The following ZC3H12D variants were observed in gnomAD, a reference collection of about 807,000 sequenced individuals.
The protein encoded by ZC3H12D is zinc finger CCCH-type containing 12D.
A neutral mutation model predicts 24.2 loss-of-function variants in ZC3H12D; 11 were observed. That is an observed-to-expected ratio of 0.46 (90% CI 0.29 to 0.75). ZC3H12D has a LOEUF of 0.75. Ranked by LOEUF, ZC3H12D falls within the 30% of genes least tolerant of loss-of-function variation. The probability of loss-of-function intolerance (pLI) is 0.11; values close to 1 mark genes in which losing one functional copy is unlikely to be tolerated. For missense variants in ZC3H12D, 740 were observed against 767.7 expected, an observed-to-expected ratio of 0.96 and a Z score of 0.43; for synonymous variants, 333 against 341.8, an observed-to-expected ratio of 0.97 and a Z score of 0.28.
rs776181127 is a variant in ZC3H12D, at chr6:149,456,677, G to C, written c.669C>G (p.Phe223Leu). 2.5e-6 allele frequency: 4 copies of C among 1,598,574 alleles called. No individual in the cohort carries two copies. In the East Asian group the frequency reaches 9.1e-5, roughly 36 times the overall value. The stretch of plus-strand genomic sequence containing the variant: ...CCAGCCGGACCTACCGGTCGTTGAC[G>C]AAGGAGAACATGAGCAGCCTCTGCT... ...FIEQRLLMFS[F>L]VNDRFMPPDD... The change falls in exon 4 of 6, where the codon TTC becomes TTG. Residue 223 changes from phenylalanine (F) to leucine (L), a missense_variant. Physicochemically the swap from Phe to Leu is conservative, Grantham distance 22. Coordinates refer to ENST00000409806, the MANE Select transcript of ZC3H12D (RefSeq NM_207360.3). The surrounding 1 kb of genome is among the most constrained non-coding windows in gnomAD (Gnocchi z 4.3).
rs550939659 is a variant in ZC3H12D, at chr6:149,462,770, G to T, written c.306-800C>A. 3.9e-5 allele frequency among the ~76,000 whole-genome samples: 6 copies of T among 152,314 alleles called. No homozygotes were observed. In the South Asian group the frequency reaches 1.0e-3, roughly 26 times the overall value. On this transcript the variant is annotated intron_variant, in intron 2 of 5. Coordinates refer to ENST00000409806, the MANE Select transcript of ZC3H12D (RefSeq NM_207360.3). ...CTGGCCTTCGTTTTTCGCCCGTGCT[G>T]GATGCTTCCTGCTCTTGAACATCAG...
intron 2 of ZC3H12D, among the ~76,000 whole-genome samples, chr6:149,465,754 CAAA>C (rs71545106): frequency 1.4e-5 from 1 of 71,092 alleles, no homozygotes; most frequent in Non-Finnish European, 2.7e-5. Flanking sequence ...GACGCCATCT[CAAA>C]AAAAAAAAAG....
intron 2 of ZC3H12D, among the ~76,000 whole-genome samples, chr6:149,464,745 G>C (rs1254081500): frequency 6.6e-6 from 1 of 152,202 alleles, no homozygotes; most frequent in Non-Finnish European, 1.5e-5. Context: ...GAAGCAGCTA[G>C]AGGAGAAGCT....
In ZC3H12D at chr6:149,450,727, C is replaced by G. The variant is rs1038620878; in HGVS notation, c.1540G>C (p.Val514Leu). The G allele has an allele frequency of 1.9e-6, 3 of 1,547,752 alleles. No individual in the cohort carries two copies. In the African/African-American group the frequency reaches 4.1e-5, roughly 21 times the overall value. ...LSDLARLILL[V>L]QRCQSAGAPL... is the part of the protein sequence containing the mutation. Reference sequence around the variant, plus strand: ...GCCCCCGCGCTCTGGCATCTCTGTACCAGGAGGATGAGCCTGGCGAGGTCT... The same window carrying G: ...GCCCCCGCGCTCTGGCATCTCTGTAGCAGGAGGATGAGCCTGGCGAGGTCT... Residue 514 changes from valine (V) to leucine (L), a missense_variant, in exon 6 of 6, where the codon GTA (valine) becomes CTA (leucine). Val to Leu is a conservative substitution (Grantham distance 32, BLOSUM62 1). Transcript: ENST00000409806.
chr6:149,459,610 G>A (rs1184539209), intron 3 of ZC3H12D: 1 of 704,786 alleles, frequency 1.4e-6, no homozygotes, highest in African/African-American at 1.9e-5. Context: ...TGACTAACAG[G>A]TGAGCTGAGC....
At chr6:149,482,673 G>A (rs916779736) in intron 1 of ZC3H12D, among the ~76,000 whole-genome samples, 2 of 152,176 alleles carry the variant, frequency 1.3e-5, no homozygotes, top group Admixed American at 1.3e-4. Flanking sequence ...CCTCTGACTA[G>A]AAGGGCCCTG....
rs772761840 is a variant in ZC3H12D, at chr6:149,474,533, G to A, written c.11C>T (p.Pro4Leu). The A allele has an allele frequency of 5.2e-6, 8 of 1,527,182 alleles. No individual in the cohort carries two copies. In the East Asian group the frequency reaches 1.9e-4, roughly 35 times the overall value. The allele number at this position is 1,527,182 out of a possible 1,614,324, so 94.6% of individuals were successfully genotyped here. A position where few individuals can be genotyped will look rare whatever the true frequency, so the allele number is the denominator to read the frequency against. Residue 4 changes from proline to leucine, a missense_variant, in exon 2 of 6, where the codon CCC (proline) becomes CTC (leucine). Pro to Leu is a moderately conservative substitution (Grantham distance 98). Coordinates refer to ENST00000409806, the MANE Select transcript of ZC3H12D (RefSeq NM_207360.3). The stretch of plus-strand genomic sequence containing the variant: ...CTTCTGGAAGAATTCCATCTTGCTG[G>A]GGTGCTCCATGCTGTGCCCAGCGGC... MEHPSKMEFFQKLG... is the reference protein window; with the variant it reads MEHLSKMEFFQKLG...
At chr6:149,459,478 C>T (rs1776038085) in intron 3 of ZC3H12D, 1 of 665,062 alleles carries the variant, frequency 1.5e-6, no homozygotes, top group African/African-American at 1.8e-5. Flanking sequence ...GATTGTGCAG[C>T]ATGGAGGGAA....
intron 2 of ZC3H12D, among the ~76,000 whole-genome samples, chr6:149,467,317 A>T (rs1184388732): frequency 6.6e-6 from 1 of 152,074 alleles, no homozygotes; most frequent in Non-Finnish European, 1.5e-5. Flanking sequence ...CAATGGTACA[A>T]TCATGGCTCA....
chr6:149,455,939 T>C (rs950697682), intron 4 of ZC3H12D, among the ~76,000 whole-genome samples: 2 of 138,154 alleles, frequency 1.4e-5, no homozygotes, highest in African/African-American at 5.8e-5. Context: ...CCATATGTAA[T>C]TCAAAATTTT....
intron 1 of ZC3H12D, among the ~76,000 whole-genome samples, chr6:149,483,641 G>A (rs1007553091): frequency 7.2e-5 from 11 of 152,144 alleles, no homozygotes; most frequent in East Asian, 1.9e-4. Flanking sequence ...ACAAACTCCC[G>A]GGCTCAAGCA....
At chr6:149,458,124 G>GT (rs1562472740) in intron 3 of ZC3H12D, among the ~76,000 whole-genome samples, 109 of 37,394 alleles carry the variant, frequency 2.9e-3, no homozygotes, top group African/African-American at 3.8e-3. Context: ...TTTTTTTTTC[G>GT]TTTCTTTTTT....
At chr6:149,478,183 AAAC>A (rs1776371197) in intron 1 of ZC3H12D, among the ~76,000 whole-genome samples, 1 of 149,504 alleles carries the variant, frequency 6.7e-6, no homozygotes, top group Non-Finnish European at 1.5e-5. Context: ...AAAAAAAAAA[AAAC>A]TATTTTTATA....
Position 149,461,976 on chromosome 6 carries a change from A to G in ZC3H12D, c.306-6T>C. ...AGGTTTCTTTATTTCCATGGCTACA[A>G]TGGGAAAACAAAGAAATCATAGAGA... On this transcript the variant is annotated splice_polypyrimidine_tract_variant and splice_region_variant and intron_variant, in intron 2 of 5. Transcript: ENST00000409806. The G allele has an allele frequency of 6.2e-7, 1 of 1,608,600 alleles. No individual in the cohort carries two copies. The highest frequency in any genetic ancestry group is 8.5e-7 in the Non-Finnish European group (1 of 1,177,586).
chr6:149,483,629 A>C (rs77616939), intron 1 of ZC3H12D, among the ~76,000 whole-genome samples: 3 of 152,152 alleles, frequency 2.0e-5, no homozygotes, highest in Non-Finnish European at 4.4e-5. Flanking sequence ...TATATCTTCA[A>C]TACAAACTCC....
chr6:149,454,266 G>A (rs1775945133), intron 4 of ZC3H12D, among the ~76,000 whole-genome samples: 1 of 152,242 alleles, frequency 6.6e-6, no homozygotes, highest in Non-Finnish European at 1.5e-5. Flanking sequence ...CCCTCGCTGA[G>A]TGAGGTCCAC....
chr6:149,456,805 G>A lies in ZC3H12D; in HGVS notation c.541C>T (p.Arg181Cys). The A allele has an allele frequency of 1.2e-6, 2 of 1,613,250 alleles. No homozygotes were observed. The highest frequency in any genetic ancestry group is 1.7e-6 in the Non-Finnish European group (2 of 1,179,788). ...HGKRLVCYDD[R>C]YIVKVAYEQD... ...TCGTAGGCCACCTTCACGATGTAGC[G>A]GTCGTCGTAGCAGACCAGGCGCTTG... The change falls in exon 4 of 6, where the codon CGC becomes TGC. Residue 181 changes from arginine (R) to cysteine (C), a missense_variant. Coordinates refer to ENST00000409806, the MANE Select transcript of ZC3H12D (RefSeq NM_207360.3). The surrounding 1 kb of genome is among the most constrained non-coding windows in gnomAD (Gnocchi z 4.3).
At chr6:149,474,110 C>A (rs757505485) in intron 2 of ZC3H12D, 129 bp downstream of exon 2, 2 of 721,380 alleles carry the variant, frequency 2.8e-6, no homozygotes, top group Non-Finnish European at 4.2e-6. Context: ...AGAGATGGTA[C>A]AGGGATTCAA....
At chr6:149,466,399 G>A (rs1370188257) in intron 2 of ZC3H12D, among the ~76,000 whole-genome samples, 2 of 151,878 alleles carry the variant, frequency 1.3e-5, no homozygotes, top group African/African-American at 4.8e-5. Context: ...ACCTAAAAAA[G>A]AGGGGAAGAT....
Sources: gnomAD v4.1 joint callset for allele counts (sites outside exome capture counted in the v4.1 genomes callset) on GRCh38, gnomAD v4.1.1 for gene constraint, Gnocchi (gnomAD v3.1) non-coding constraint, MANE v1.5 for transcripts, NCBI Gene and HGNC (gene_info 2026-07-23, HGNC 2026-07-21) for gene names.